CSMD2: variants seen among roughly 807,000 people sequenced by gnomAD.
CSMD2 encodes the protein CUB and Sushi multiple domains 2, also known as CUB and sushi domain-containing protein 2.
CSMD2 carries 130 observed loss-of-function variants against 398.5 expected under a neutral mutation model. The observed-to-expected ratio is 0.33, with a 90% CI of 0.28 to 0.38. CSMD2 has a LOEUF of 0.38. Ranked by LOEUF, CSMD2 falls within the 10% of genes least tolerant of loss-of-function variation. CSMD2 has a pLI of 1.00. For synonymous variants in CSMD2, 1,828 were observed against 1,908.5 expected, an observed-to-expected ratio of 0.96 and a Z score of 1.10; for missense variants, 3,829 against 4,764.9, an observed-to-expected ratio of 0.80 and a Z score of 5.78.
rs543551899 is a variant in CSMD2, at chr1:33,723,323, C to T, written c.3001+874G>A. 3.9e-5 allele frequency among the ~76,000 whole-genome samples: 6 copies of T among 152,320 alleles called. No individual in the cohort carries two copies. In the South Asian group the frequency reaches 6.2e-4, roughly 16 times the overall value. ...ATAGATGCCTGGTTTCCACCGCCAA[C>T]GTAGAAAATCAAAACCTCTAGCCTT... On this transcript the variant is annotated intron_variant, in intron 19 of 70. Coordinates refer to ENST00000373381, the MANE Select transcript of CSMD2 (RefSeq NM_001281956.2).
rs936003314 is a variant in CSMD2 at position 33,658,074 on chromosome 1, C to T, written c.4319G>A (p.Ser1440Asn). The change falls in exon 27 of 71, where the codon AGT becomes AAT. Residue 1440 changes from serine (S) to asparagine (N), a missense_variant. Ser to Asn is a conservative substitution (Grantham distance 46, BLOSUM62 1). Around this residue, in one of 5 missense-constraint regions of CSMD2, gnomAD observed 2,001 missense variants for 2,567.1 expected, o/e 0.78. Coordinates refer to ENST00000373381, the MANE Select transcript of CSMD2 (RefSeq NM_001281956.2). The stretch of plus-strand genomic sequence containing the variant: ...CACTGTGGAGTCGCCGGCTTCCCAA[C>T]TGTCACCACTCCGACTCCCATTCTG... ...IPQNGSRSGD[S>N]WEAGDSTVFQ... The T allele has an allele frequency of 6.2e-7, 1 of 1,614,258 alleles. No homozygotes were observed. Among genetic ancestry groups the T allele is most frequent in the East Asian group, 2.2e-5 (1 of 44,888 alleles).
At chr1:34,084,290 CT>C (rs1657605753) in intron 2 of CSMD2, among the ~76,000 whole-genome samples, 1 of 152,206 alleles carries the variant, frequency 6.6e-6, no homozygotes, top group Non-Finnish European at 1.5e-5. Context: ...AGACCAGTCT[CT>C]GCTGAGTCTT....
chr1:34,107,594 T>C (rs2148431418), intron 1 of CSMD2, among the ~76,000 whole-genome samples: 1 of 152,254 alleles, frequency 6.6e-6, no homozygotes, highest in South Asian at 2.1e-4. Context: ...CATCCTGTCT[T>C]CTTAACCACT....
chr1:33,652,404 G>C lies in CSMD2; in HGVS notation c.4505C>G (p.Pro1502Arg). 1.2e-6 allele frequency: 2 copies of C among 1,614,156 alleles called. No individual in the cohort carries two copies. Among genetic ancestry groups the C allele is most frequent in the Middle Eastern group, 1.7e-4 (1 of 6,060 alleles). The part of the protein sequence containing the change: ...PSGVILSPNY[P>R]EPYPPGKECD... ...CTCCTTGCCTGGCGGGTAGGGTTCT[G>C]GGTAATTTGGTGAGAGGATGACTCC... The change falls in exon 28 of 71, where the codon CCA becomes CGA. Residue 1502 changes from proline (P) to arginine (R), a missense_variant. Coordinates refer to ENST00000373381, the MANE Select transcript of CSMD2 (RefSeq NM_001281956.2).
chr1:33,705,692 A>T (rs1645752214), intron 22 of CSMD2, among the ~76,000 whole-genome samples: 1 of 150,930 alleles, frequency 6.6e-6, no homozygotes, highest in Admixed American at 6.6e-5. Context: ...AAAAATTTCC[A>T]TTTCATCTGA....
chr1:33,620,169 T>A (rs915019526), intron 37 of CSMD2, among the ~76,000 whole-genome samples: 1 of 152,254 alleles, frequency 6.6e-6, no homozygotes, highest in Non-Finnish European at 1.5e-5. Flanking sequence ...TTTTATCATA[T>A]GTAATTTATT....
chr1:33,688,485 G>A (rs1325040785), intron 25 of CSMD2, among the ~76,000 whole-genome samples: 2 of 152,148 alleles, frequency 1.3e-5, no homozygotes, highest in Non-Finnish European at 2.9e-5. Flanking sequence ...TTGTGGAAAC[G>A]TTTCATTTCG....
intron 44 of CSMD2, among the ~76,000 whole-genome samples, chr1:33,592,799 A>C (rs1437710705): frequency 6.6e-6 from 1 of 152,102 alleles, no homozygotes; most frequent in Non-Finnish European, 1.5e-5. Flanking sequence ...TGTACAAAAA[A>C]TTAGCTGGGC....
intron 4 of CSMD2, among the ~76,000 whole-genome samples, chr1:33,921,959 G>A (rs1643956028): frequency 1.3e-5 from 2 of 152,290 alleles, no homozygotes; most frequent in Non-Finnish European, 1.5e-5. Flanking sequence ...GGAGGAAAGA[G>A]AAGCAGCAGG....
At chr1:33,716,608 T>C (rs1646178238) in intron 19 of CSMD2, 107 bp from the exon 20 acceptor site, 2 of 750,724 alleles carry the variant, frequency 2.7e-6, no homozygotes, top group African/African-American at 1.7e-5. Context: ...TGTCTATCTG[T>C]GTGTATGACT....
chr1:33,557,598 G>T, intron 55 of CSMD2, 136 bp downstream of exon 55: 1 of 823,088 alleles, frequency 1.2e-6, no homozygotes. Flanking sequence ...GTCACCATAA[G>T]GCAACTCATA....
intron 3 of CSMD2, among the ~76,000 whole-genome samples, chr1:34,028,536 C>T (rs1649993472): frequency 6.6e-6 from 1 of 152,176 alleles, no homozygotes; most frequent in African/African-American, 2.4e-5. Flanking sequence ...CTGCCTCTGG[C>T]TTATCTCCAG....
chr1:33,578,951 C>G (rs1481571079), intron 48 of CSMD2, among the ~76,000 whole-genome samples: 1 of 152,202 alleles, frequency 6.6e-6, no homozygotes, highest in Non-Finnish European at 1.5e-5. Flanking sequence ...CACATGGTTA[C>G]CTCCCTCAGG....
Position 33,537,620 on chromosome 1 carries a change from G to T in CSMD2, c.9632-11C>A. On this transcript the variant is annotated splice_polypyrimidine_tract_variant and intron_variant, in intron 60 of 70. Transcript: ENST00000373381. This position sits in a 1 kb window ranked among gnomAD's most constrained non-coding sequence, Gnocchi z 4.6. ...CCCCGCAGAACACAGCTGGGAAGAC[G>T]AAGGGAGAAAGGCAGGTCTAAGTTG... The T allele has an allele frequency of 6.2e-7, 1 of 1,605,876 alleles. No homozygotes were observed. Among genetic ancestry groups the T allele is most frequent in the South Asian group, 1.1e-5 (1 of 89,908 alleles).
At chr1:33,629,529 G>A (rs1642339658) in intron 32 of CSMD2, among the ~76,000 whole-genome samples, 1 of 152,154 alleles carries the variant, frequency 6.6e-6, no homozygotes, top group Non-Finnish European at 1.5e-5. Context: ...ACTGTAATGG[G>A]AAATACTTTC....
intron 3 of CSMD2, among the ~76,000 whole-genome samples, chr1:33,950,530 T>C (rs77075178): frequency 0.032 from 4,814 of 150,790 alleles, 136 homozygotes; most frequent in African/African-American, 0.071. Flanking sequence ...GGTATGTGGG[T>C]ATGTGCAGGG....
rs1035797673 is a variant in CSMD2 at position 33,734,588 on chromosome 1, C to T, written c.2368+4552G>A. Among the ~76,000 whole-genome samples the T allele has an allele frequency of 8.5e-5, 13 of 152,118 alleles. No homozygotes were observed. In the South Asian group the frequency reaches 2.5e-3, roughly 29 times the overall value. On this transcript the variant is annotated intron_variant, in intron 15 of 70. Transcript: ENST00000373381. ...GATCATGAGGTCAGGAGTTTGAGAC[C>T]AGTCTGGCCAACATAGTGAAACCCC...
intron 1 of CSMD2, among the ~76,000 whole-genome samples, chr1:34,102,773 C>T (rs1015646164): frequency 5.3e-5 from 8 of 152,160 alleles, no homozygotes; most frequent in East Asian, 3.9e-4. Flanking sequence ...TACTTATTTC[C>T]GGTGTCTAGT....
chr1:33,532,932 C>T (rs995625788), intron 64 of CSMD2, 118 bp downstream of exon 64: 183 of 972,094 alleles, frequency 1.9e-4, no homozygotes, highest in Middle Eastern at 3.3e-4. Context: ...AAATCAGAAG[C>T]GGGATCCAGC....
Sources: gnomAD v4.1 joint callset for allele counts (sites outside exome capture counted in the v4.1 genomes callset) on GRCh38, gnomAD v4.1.1 for gene constraint, gnomAD v4.1.1 regional missense constraint, Gnocchi (gnomAD v3.1) non-coding constraint, MANE v1.5 for transcripts, NCBI Gene and HGNC (gene_info 2026-07-23, HGNC 2026-07-21) for gene names.